PRDM1: variants seen among roughly 807,000 people sequenced by gnomAD.
The protein encoded by PRDM1 is PR/SET domain 1.
In PRDM1, 13 loss-of-function variants were observed where a neutral mutation model predicts 62.8. The observed-to-expected ratio is 0.21, with a 90% CI of 0.13 to 0.33. PRDM1 has a LOEUF of 0.33. Ranked by LOEUF, PRDM1 falls within the 10% of genes least tolerant of loss-of-function variation. The pLI is 1.00. For synonymous variants in PRDM1, 396 were observed against 417.6 expected, an observed-to-expected ratio of 0.95 and a Z score of 0.63; for missense variants, 895 against 1,058.8, an observed-to-expected ratio of 0.85 and a Z score of 2.15.
chr6:106,061,513 A>G (rs538722979), intron 1 of PRDM1, among the ~76,000 whole-genome samples: 4 of 152,356 alleles, frequency 2.6e-5, no homozygotes, highest in African/African-American at 7.2e-5. Flanking sequence ...TGGGCATGAT[A>G]ATCACGTCCC....
In PRDM1 at chr6:106,105,272, G is replaced by C. The variant is rs755372845; in HGVS notation, c.1112G>C (p.Arg371Pro). ...SPVGPGSQEH[R>P]DSYAYLNASY... ...GTGGGCCCCGGCTCTCAAGAGCACC[G>C]GGACTCCTACGCTTACTTGAACGCG... is the stretch of plus-strand genomic sequence containing the variant. Residue 371 changes from arginine to proline, a missense_variant, in exon 5 of 7, where the codon CGG becomes CCG. Arg to Pro is a moderately radical substitution (Grantham distance 103, BLOSUM62 -2). Transcript: ENST00000369096. 1.2e-6 allele frequency: 2 copies of C among 1,613,742 alleles called. No individual in the cohort carries two copies. Among genetic ancestry groups the C allele is most frequent in the South Asian group, 1.1e-5 (1 of 91,080 alleles).
upstream of PRDM1, among the ~76,000 whole-genome samples, chr6:106,044,469 T>C (rs1773045279): frequency 6.6e-6 from 1 of 152,190 alleles, no homozygotes; most frequent in Non-Finnish European, 1.5e-5. Flanking sequence ...ATAGATAGTA[T>C]TGAACCCAGG....
At chr6:106,041,218 G>A (rs1376405471) in intron 1 of PRDM1, among the ~76,000 whole-genome samples, 1 of 29,160 alleles carries the variant, frequency 3.4e-5, no homozygotes, top group African/African-American at 2.3e-4. Flanking sequence ...ACTTTTCATT[G>A]TCATTGTTCT....
chr6:106,061,302 C>T (rs1773341435), intron 1 of PRDM1, among the ~76,000 whole-genome samples: 1 of 31,132 alleles, frequency 3.2e-5, no homozygotes, highest in East Asian at 1.1e-3. Flanking sequence ...GGACTGAGTG[C>T]CTTCCAGCAG....
intron 1 of PRDM1, among the ~76,000 whole-genome samples, chr6:106,032,683 C>T (rs1002590619): frequency 1.3e-5 from 2 of 152,106 alleles, no homozygotes; most frequent in Admixed American, 1.3e-4. Context: ...CCTTGTGATC[C>T]ACCTGCCTCA....
At chr6:106,043,013 G>T (rs1422336936) in intron 1 of PRDM1, among the ~76,000 whole-genome samples, 1 of 152,088 alleles carries the variant, frequency 6.6e-6, no homozygotes, top group Non-Finnish European at 1.5e-5. Context: ...ACCACGCCCG[G>T]CTAATTTTTG....
At chr6:106,068,322 C>A (rs892702929) in intron 1 of PRDM1, among the ~76,000 whole-genome samples, 2 of 152,078 alleles carry the variant, frequency 1.3e-5, no homozygotes, top group Non-Finnish European at 2.9e-5. Flanking sequence ...GAACTCCTGA[C>A]CTCAGGTGAT....
intron 1 of PRDM1, among the ~76,000 whole-genome samples, chr6:106,018,199 A>G (rs1260653890): frequency 6.6e-6 from 1 of 152,208 alleles, no homozygotes; most frequent in Non-Finnish European, 1.5e-5. Context: ...AATCAAAGAT[A>G]TTTGATATGA....
rs748890941 is a variant in PRDM1, at chr6:106,107,045, T to C, written c.2037T>C (p.Arg679=). 6.2e-7 allele frequency: 1 copy of C among 1,614,190 alleles called. No homozygotes were observed. The highest frequency in any genetic ancestry group is 1.1e-5 in the South Asian group (1 of 91,086). ...TQFVHLKLHK[R]LHTRERPHKC... ...TTGTGCACCTGAAACTGCACAAGCG[T>C]CTGCACACCCGGGAGCGGCCCCACA... The change falls in exon 7 of 7, where the codon CGT becomes CGC. Residue 679 remains arginine (R), a synonymous_variant. Transcript: ENST00000369096.
chr6:106,094,226 C>G (rs780354275), intron 2 of PRDM1, among the ~76,000 whole-genome samples: 15 of 152,170 alleles, frequency 9.9e-5, no homozygotes, highest in Non-Finnish European at 1.6e-4. Flanking sequence ...GGAAAATAAA[C>G]ATTATCATCT....
At chr6:106,052,237 CCAAAG>C (rs1176650074) in intron 1 of PRDM1, among the ~76,000 whole-genome samples, 1 of 102,110 alleles carries the variant, frequency 9.8e-6, no homozygotes, top group Non-Finnish European at 2.1e-5. Flanking sequence ...ATAAGATATA[CCAAAG>C]GAAACCTGTA....
chr6:106,080,515 A>G (rs1032302021), intron 1 of PRDM1, among the ~76,000 whole-genome samples: 4 of 152,224 alleles, frequency 2.6e-5, no homozygotes, highest in African/African-American at 9.7e-5. Context: ...AGAATGCTGA[A>G]AAGATCCTGT....
chr6:106,078,933 A>C (rs1166015632), intron 1 of PRDM1, among the ~76,000 whole-genome samples: 1 of 151,792 alleles, frequency 6.6e-6, no homozygotes, highest in Non-Finnish European at 1.5e-5. Context: ...TTAAAGTTTT[A>C]TTTTAAAAAA....
At chr6:106,007,737 G>T (rs1010980851) in intron 1 of PRDM1, among the ~76,000 whole-genome samples, 1 of 152,090 alleles carries the variant, frequency 6.6e-6, no homozygotes, top group East Asian at 1.9e-4. Flanking sequence ...AGCTAACAAG[G>T]TCACCTGCCT....
At chr6:106,102,746 G>C (rs1252885729) in intron 4 of PRDM1, among the ~76,000 whole-genome samples, 1 of 152,116 alleles carries the variant, frequency 6.6e-6, no homozygotes, top group Non-Finnish European at 1.5e-5. Context: ...GAAGCCACTG[G>C]AAAAAATATG....
chr6:106,089,734 T>C (rs766992498), intron 2 of PRDM1, among the ~76,000 whole-genome samples: 1 of 152,272 alleles, frequency 6.6e-6, no homozygotes, highest in Non-Finnish European at 1.5e-5. Flanking sequence ...GCTCTTCTTA[T>C]AGAAAGTCTC....
intron 1 of PRDM1, among the ~76,000 whole-genome samples, chr6:106,074,999 T>A (rs1773583080): frequency 1.3e-5 from 2 of 152,180 alleles, no homozygotes; most frequent in Admixed American, 1.3e-4. Flanking sequence ...AGGTTAATAG[T>A]CATCATTTTA....
In PRDM1 at chr6:106,105,491, G is replaced by C. The variant is rs926231934; in HGVS notation, c.1331G>C (p.Cys444Ser). The change falls in exon 5 of 7, where the codon TGC becomes TCC. Residue 444 changes from cysteine to serine, a missense_variant. Physicochemically the swap from Cys to Ser is moderately radical, Grantham distance 112 (BLOSUM62 -1). This residue lies in a region of PRDM1 where 444 missense variants were observed against 422.7 expected (regional missense o/e 1.05). Coordinates refer to ENST00000369096, the MANE Select transcript of PRDM1 (RefSeq NM_001198.4). ...AACTTTGGCCTCTTCCCGAGGCTGTGCCCTGTCTACAGCAATCTCCTCGGT... is the reference window on the plus strand; with the variant it reads ...AACTTTGGCCTCTTCCCGAGGCTGTCCCCTGTCTACAGCAATCTCCTCGGT... ...INNFGLFPRL[C>S]PVYSNLLGGG... 3 of 1,614,054 alleles carry C rather than the reference G, an allele frequency of 1.9e-6. No homozygotes were observed.
chr6:106,043,188 C>T (rs1773028246), intron 1 of PRDM1, among the ~76,000 whole-genome samples: 1 of 152,170 alleles, frequency 6.6e-6, no homozygotes, highest in South Asian at 2.1e-4. Flanking sequence ...TAAAAGTCAC[C>T]TCACAGAGTG....
Sources: allele counts gnomAD v4.1 joint callset (sites outside exome capture counted in the v4.1 genomes callset), GRCh38; gene constraint gnomAD v4.1.1; regional missense constraint gnomAD v4.1.1; transcripts MANE v1.5; gene names NCBI Gene and HGNC (gene_info 2026-07-23, HGNC 2026-07-21).